The following SLC5A3 variants were observed in gnomAD, a reference collection of about 807,000 sequenced individuals.
The protein encoded by SLC5A3 is sodium/myo-inositol cotransporter.
Under a neutral mutation model 43.2 loss-of-function variants are expected in SLC5A3, and 10 were observed. That is an observed-to-expected ratio of 0.23 (90% CI 0.14 to 0.39). SLC5A3 has a LOEUF of 0.39. Ranked by LOEUF, SLC5A3 falls within the 10% of genes least tolerant of loss-of-function variation. The pLI is 1.00. For missense variants in SLC5A3, 608 were observed against 893.4 expected (o/e 0.68, Z 4.07); for synonymous variants, 349 against 322.0 (o/e 1.08, Z -0.90).
Position 34,098,907 on chromosome 21 carries a change from C to A in SLC5A3, c.*1552C>A. Reference sequence around the variant, plus strand: ...CTTTGACCTTCTTTAATCTCTGATACTTTTTAGATTGCATGATTTTACTAG... The same window carrying A: ...CTTTGACCTTCTTTAATCTCTGATAATTTTTAGATTGCATGATTTTACTAG... On this transcript the variant is annotated 3_prime_UTR_variant, in exon 2 of 2. Transcript: ENST00000381151. 1.0e-6 allele frequency: 1 copy of A among 995,598 alleles called. No individual in the cohort carries two copies. Among genetic ancestry groups the A allele is most frequent in the South Asian group, 4.7e-5 (1 of 21,186 alleles). 61.7% of individuals were successfully genotyped at this position (995,598 alleles called of 1,614,324 possible). A position where few individuals can be genotyped will look rare whatever the true frequency, so the allele number is the denominator to read the frequency against.
chr21:34,082,620 G>A (rs774207499), intron 1 of SLC5A3, among the ~76,000 whole-genome samples: 6 of 152,110 alleles, frequency 3.9e-5, no homozygotes, highest in Non-Finnish European at 7.3e-5. Flanking sequence ...AAAAATTCAG[G>A]TGCTCTCTTG....
intron 1 of SLC5A3, among the ~76,000 whole-genome samples, chr21:34,091,171 A>G (rs1978665160): frequency 6.6e-6 from 1 of 152,198 alleles, no homozygotes; most frequent in South Asian, 2.1e-4. Flanking sequence ...CTCAGATTGT[A>G]CCTTGAGTGT....
At position 34,103,619 on chromosome 21, in the gene SLC5A3, A is replaced by C. The variant is rs1979347127; in HGVS notation, c.*6264A>C. The stretch of plus-strand genomic sequence containing the variant: ...AGTGTACCCACACATAGAAAGCACA[A>C]GACTAATAGTATTCTCTGTATCCCA... On this transcript the variant is annotated 3_prime_UTR_variant, in exon 2 of 2. Coordinates refer to ENST00000381151, the MANE Select transcript of SLC5A3 (RefSeq NM_006933.7). 4.0e-6 allele frequency: 4 copies of C among 1,000,164 alleles called. No homozygotes were observed. The highest frequency in any genetic ancestry group is 4.8e-6 in the Non-Finnish European group (4 of 829,902). 62.0% of individuals were successfully genotyped at this position (1,000,164 alleles called of 1,614,324 possible). A position where few individuals can be genotyped will look rare whatever the true frequency, so the allele number is the denominator to read the frequency against.
At chr21:34,087,988 C>T (rs1421143299) in intron 1 of SLC5A3, among the ~76,000 whole-genome samples, 1 of 152,140 alleles carries the variant, frequency 6.6e-6, no homozygotes, top group Non-Finnish European at 1.5e-5. Flanking sequence ...AGTTGCTGTT[C>T]TGAGATGGGG....
At chr21:34,088,003 T>A (rs1169663782) in intron 1 of SLC5A3, among the ~76,000 whole-genome samples, 1 of 152,134 alleles carries the variant, frequency 6.6e-6, no homozygotes, top group South Asian at 2.1e-4. Context: ...ATGGGGAGGA[T>A]TGAGAGTAGA....
At chr21:34,076,382 C>G (rs758562486) in intron 1 of SLC5A3, among the ~76,000 whole-genome samples, 2 of 152,160 alleles carry the variant, frequency 1.3e-5, no homozygotes, top group Non-Finnish European at 2.9e-5. Context: ...TGGATTGTAG[C>G]AAAGTCAGTT....
chr21:34,088,081 A>T (rs188694379), intron 1 of SLC5A3, among the ~76,000 whole-genome samples: 1 of 152,230 alleles, frequency 6.6e-6, no homozygotes, highest in Non-Finnish European at 1.5e-5. Context: ...CACTTCATCC[A>T]TTAAGAGCAG....
chr21:34,099,884 T>G lies in SLC5A3; in HGVS notation c.*2529T>G. ...TTTCTTATTGCTTCCCAGTAATAGATAATGTGCTCGAGTAAGTTTGTGAAT... is the reference window on the plus strand; with the variant it reads ...TTTCTTATTGCTTCCCAGTAATAGAGAATGTGCTCGAGTAAGTTTGTGAAT... On this transcript the variant is annotated 3_prime_UTR_variant, in exon 2 of 2. Coordinates refer to ENST00000381151, the MANE Select transcript of SLC5A3 (RefSeq NM_006933.7). 2.7e-6 allele frequency: 1 copy of G among 365,232 alleles called. No individual in the cohort carries two copies. Among genetic ancestry groups the G allele is most frequent in the Non-Finnish European group, 4.0e-6 (1 of 249,926 alleles). 22.6% of individuals were successfully genotyped at this position (365,232 alleles called of 1,614,324 possible).
chr21:34,096,601 A>C lies in SLC5A3; in HGVS notation c.1403A>C (p.Gln468Pro). The C allele has an allele frequency of 6.2e-7, 1 of 1,614,108 alleles. No homozygotes were observed. The highest frequency in any genetic ancestry group is 1.7e-5 in the Admixed American group (1 of 60,016). The change falls in exon 2 of 2, where the codon CAA becomes CCA. Residue 468 changes from glutamine (Q) to proline (P), a missense_variant. Physicochemically the swap from Gln to Pro is moderately conservative, Grantham distance 76 (BLOSUM62 -1). Transcript: ENST00000381151. This position sits in a 1 kb window ranked among gnomAD's most constrained non-coding sequence, Gnocchi z 5.9. ...LAIFWKRCNEQGAFYGGMAGF... is the reference protein window; with the variant it reads ...LAIFWKRCNEPGAFYGGMAGF... Reference sequence around the variant, plus strand: ...ATTTTCTGGAAGCGCTGCAATGAACAAGGGGCTTTCTATGGTGGAATGGCT... The same window carrying C: ...ATTTTCTGGAAGCGCTGCAATGAACCAGGGGCTTTCTATGGTGGAATGGCT...
chr21:34,073,832 G>A lies in SLC5A3; in HGVS notation c.-337+87G>A. ...CCGTCCCCCGCGCGCCCTGGCCGCG[G>A]GACCCCGGGCCTTCCTGCACTCCTC... On this transcript the variant is annotated intron_variant, in intron 1 of 1. Coordinates refer to ENST00000381151, the MANE Select transcript of SLC5A3 (RefSeq NM_006933.7). The A allele has an allele frequency of 3.8e-6, 4 of 1,063,230 alleles. No homozygotes were observed. The South Asian group carries it at 6.9e-5, about 18-fold the overall frequency. 65.9% of individuals were successfully genotyped at this position (1,063,230 alleles called of 1,614,324 possible).
chr21:34,074,171 C>T (rs1480145058), intron 1 of SLC5A3, among the ~76,000 whole-genome samples: 3 of 149,840 alleles, frequency 2.0e-5, no homozygotes, highest in Non-Finnish European at 4.5e-5. Flanking sequence ...CCGCCGCCGC[C>T]GCCTGGTCCG....
chr21:34,092,998 C>G (rs1449641452), intron 1 of SLC5A3, among the ~76,000 whole-genome samples: 1 of 152,160 alleles, frequency 6.6e-6, no homozygotes. Context: ...ATTGACACAG[C>G]AGTTTTCATT....
chr21:34,101,746 A>AT lies in SLC5A3; in HGVS notation c.*4393dup. On this transcript the variant is annotated 3_prime_UTR_variant, in exon 2 of 2. Coordinates refer to ENST00000381151, the MANE Select transcript of SLC5A3 (RefSeq NM_006933.7). ...TCCAAATAATGACTCATTAAATATA[A>AT]TTATGTTTTAAGTATACTGAATTTC... 1 of 992,468 alleles carries AT rather than the reference A, an allele frequency of 1.0e-6. No individual in the cohort carries two copies. The highest frequency in any genetic ancestry group is 4.7e-5 in the South Asian group (1 of 21,136). 61.5% of individuals were successfully genotyped at this position (992,468 alleles called of 1,614,324 possible).
rs190753969 is a variant in SLC5A3, at chr21:34,102,133, T to G, written c.*4778T>G. On this transcript the variant is annotated 3_prime_UTR_variant, in exon 2 of 2. Coordinates refer to ENST00000381151, the MANE Select transcript of SLC5A3 (RefSeq NM_006933.7). ...TCTGTCAAGGTCACTTAATATGGAA[T>G]GTTTTTGTCAGACTGTCCTTTGTTG... 136 of 1,000,214 alleles carry G rather than the reference T, an allele frequency of 1.4e-4. No individual in the cohort carries two copies. The highest frequency in any genetic ancestry group is 1.6e-4 in the Non-Finnish European group (130 of 829,934). 62.0% of individuals were successfully genotyped at this position (1,000,214 alleles called of 1,614,324 possible).
chr21:34,092,769 C>A (rs531530878), intron 1 of SLC5A3, among the ~76,000 whole-genome samples: 1 of 152,166 alleles, frequency 6.6e-6, no homozygotes, highest in Non-Finnish European at 1.5e-5. Context: ...CTATTTCCCC[C>A]CCAACGGCCA....
In SLC5A3 at chr21:34,073,979, G is replaced by A. The variant is rs866072876; in HGVS notation, c.-337+234G>A. ...GTGTGCCTGCGCGTGTGCGCGGTCC[G>A]GGAGGGTGTGCCTCGCAAGCGGCCC... On this transcript the variant is annotated intron_variant, in intron 1 of 1. Coordinates refer to ENST00000381151, the MANE Select transcript of SLC5A3 (RefSeq NM_006933.7). 2.4e-3 allele frequency among the ~76,000 whole-genome samples: 355 copies of A among 146,334 alleles called. 1 individual carries two copies. Among genetic ancestry groups the A allele is most frequent in the African/African-American group, 7.7e-3 (314 of 40,866 alleles).
chr21:34,097,800 A>G lies in SLC5A3; in HGVS notation c.*445A>G, dbSNP rs539706961. 2 of 1,000,420 alleles carry G rather than the reference A, an allele frequency of 2.0e-6. No individual in the cohort carries two copies. The highest frequency in any genetic ancestry group is 4.7e-5 in the South Asian group (1 of 21,314). 62.0% of individuals were successfully genotyped at this position (1,000,420 alleles called of 1,614,324 possible). A position where few individuals can be genotyped will look rare whatever the true frequency, so the allele number is the denominator to read the frequency against. On this transcript the variant is annotated 3_prime_UTR_variant, in exon 2 of 2. Coordinates refer to ENST00000381151, the MANE Select transcript of SLC5A3 (RefSeq NM_006933.7). The stretch of plus-strand genomic sequence containing the variant: ...ATTAAGAAAAACTTATTTCTTAGAC[A>G]TTGTACAATCAGTTATGTACTGAAA...
chr21:34,082,594 ATAG>A (rs1989483790), intron 1 of SLC5A3, among the ~76,000 whole-genome samples: 1 of 152,200 alleles, frequency 6.6e-6, no homozygotes, highest in Non-Finnish European at 1.5e-5. Flanking sequence ...TCCCTGGAAA[ATAG>A]TATTACCATG....
Position 34,091,865 on chromosome 21 carries a change from G to GA in SLC5A3, c.-336-2991dup, listed in dbSNP as rs975911259. ...TACTCCCATTACAGAAGCTTTTTAAGAAAAAAATGGACTACCAAGGAACCC... is the reference window on the plus strand; with the variant it reads ...TACTCCCATTACAGAAGCTTTTTAAGAAAAAAAATGGACTACCAAGGAACCC... On this transcript the variant is annotated intron_variant, in intron 1 of 1. Transcript: ENST00000381151. Among the ~76,000 whole-genome samples, 92 of 152,026 alleles carry GA rather than the reference G, an allele frequency of 6.1e-4. 1 individual carries two copies. Among genetic ancestry groups the GA allele is most frequent in the Middle Eastern group, 3.4e-3 (1 of 294 alleles).
Sources: gnomAD v4.1 joint callset for allele counts (sites outside exome capture counted in the v4.1 genomes callset) on GRCh38, gnomAD v4.1.1 for gene constraint, Gnocchi (gnomAD v3.1) non-coding constraint, MANE v1.5 for transcripts, NCBI Gene and HGNC (gene_info 2026-07-23, HGNC 2026-07-21) for gene names.